ACADM: variants seen among roughly 807,000 people sequenced by gnomAD.
ACADM encodes medium-chain specific acyl-CoA dehydrogenase, mitochondrial.
In ACADM, 49 loss-of-function variants were observed where a neutral mutation model predicts 58.9. That is an observed-to-expected ratio of 0.83 (90% CI 0.66 to 1.06). The LOEUF is 1.06. ACADM is among the 50% of genes least tolerant of loss of function. ACADM has a pLI of 0.00. For synonymous variants in ACADM, 160 were observed against 157.7 expected (o/e 1.01, Z -0.11); for missense variants, 496 against 507.0 (o/e 0.98, Z 0.21).
In ACADM at chr1:75,753,795, C is replaced by CTT. The variant is rs71071962; in HGVS notation, c.945+3267_945+3268dup. ...GCACTCTGCAAAATGCTGATAGCTT[C>CTT]TTTTTTTTTTTTTTTTTTTGAGACA... On this transcript the variant is annotated intron_variant, in intron 10 of 11. Transcript: ENST00000370841. Among the ~76,000 whole-genome samples, 7 of 81,922 alleles carry CTT rather than the reference C, an allele frequency of 8.5e-5. 2 individuals carry two copies. Among genetic ancestry groups the CTT allele is most frequent in the African/African-American group, 3.0e-4 (5 of 16,454 alleles). The allele number at this position is 81,922 out of a possible 152,430, so 53.7% of individuals were successfully genotyped here.
chr1:75,751,780 T>C (rs1203112622), intron 10 of ACADM, among the ~76,000 whole-genome samples: 1 of 152,140 alleles, frequency 6.6e-6, no homozygotes, highest in East Asian at 1.9e-4. Context: ...ATTACAGGCC[T>C]GAACCACTGC....
chr1:75,755,807 C>A (rs1051621724), intron 10 of ACADM, among the ~76,000 whole-genome samples: 5 of 152,160 alleles, frequency 3.3e-5, no homozygotes, highest in Admixed American at 1.3e-4. Context: ...TAATAACAAA[C>A]TTCTCCGAGC....
chr1:75,743,163 C>T (rs372760986), intron 7 of ACADM, among the ~76,000 whole-genome samples: 2 of 107,984 alleles, frequency 1.9e-5, no homozygotes, highest in Non-Finnish European at 3.9e-5. Context: ...TATGAATGAG[C>T]ATCCATTAAG....
rs773407237 is a variant in ACADM, at chr1:75,749,503, G to A, written c.793G>A (p.Gly265Ser). ...VKVPKENVLI[G>S]DGAGFKVAMG... ...AGTGCCTAAAGAAAATGTTTTAATT[G>A]GTGACGGAGCTGGTTTCAAAGTTGC... Residue 265 changes from glycine to serine, a missense_variant, in exon 9 of 12, where the codon GGT becomes AGT. Coordinates refer to ENST00000370841, the MANE Select transcript of ACADM (RefSeq NM_000016.6). 4 of 1,613,904 alleles carry A rather than the reference G, an allele frequency of 2.5e-6. No homozygotes were observed. In the East Asian group the frequency reaches 8.9e-5, roughly 36 times the overall value.
At chr1:75,749,343 C>A in intron 8 of ACADM, 76 bp from the exon 9 acceptor site, 1 of 1,493,964 alleles carries the variant, frequency 6.7e-7, no homozygotes, top group Non-Finnish European at 9.3e-7. Context: ...TGCAGAAAGT[C>A]ATGAAACAGT....
intron 1 of ACADM, among the ~76,000 whole-genome samples, chr1:75,725,508 G>T (rs1405427691): frequency 2.0e-5 from 3 of 152,224 alleles, no homozygotes; most frequent in Non-Finnish European, 2.9e-5. Flanking sequence ...TTAATGTGCA[G>T]TGAAGGCAGA....
At chr1:75,727,083 A>G (rs997377145) in intron 1 of ACADM, among the ~76,000 whole-genome samples, 2 of 152,070 alleles carry the variant, frequency 1.3e-5, no homozygotes, top group African/African-American at 4.8e-5. Flanking sequence ...GATTACACGC[A>G]TGAGCCACCC....
intron 1 of ACADM, among the ~76,000 whole-genome samples, chr1:75,725,259 A>T (rs1335662366): frequency 7.7e-6 from 1 of 129,938 alleles, no homozygotes; most frequent in Non-Finnish European, 1.7e-5. Flanking sequence ...AAAGTAAAAA[A>T]AAAACCTGCA....
chr1:75,745,978 T>A, intron 8 of ACADM, 64 bp downstream of exon 8: 1 of 1,127,230 alleles, frequency 8.9e-7, no homozygotes, highest in Non-Finnish European at 1.3e-6. Context: ...CAAAATTACT[T>A]AACTTTCCTT....
At chr1:75,744,119 T>C (rs879047275) in intron 7 of ACADM, 1 of 1,583,574 alleles carries the variant, frequency 6.3e-7, no homozygotes, top group Non-Finnish European at 8.7e-7. Flanking sequence ...ATGTTCTGAA[T>C]GCAGACCTTT....
At chr1:75,747,742 C>T (rs1312795288) in intron 8 of ACADM, among the ~76,000 whole-genome samples, 2 of 152,178 alleles carry the variant, frequency 1.3e-5, no homozygotes, top group Non-Finnish European at 2.9e-5. Flanking sequence ...AGCCATGCTC[C>T]TGTTGCTGTC....
intron 6 of ACADM, among the ~76,000 whole-genome samples, chr1:75,735,948 A>G (rs1174068901): frequency 6.6e-6 from 1 of 151,974 alleles, no homozygotes; most frequent in East Asian, 1.9e-4. Flanking sequence ...CCGGGAGTTC[A>G]AGACCAGCCT....
Position 75,761,292 on chromosome 1 carries a change from T to A in ACADM, c.1116T>A (p.Ala372=). The change falls in exon 11 of 12, where the codon GCT becomes GCA. Residue 372 remains alanine (A), a synonymous_variant. Transcript: ENST00000370841. ...TTGCAAATCAGTTAGCTACTGATGC[T>A]GTGCAGATACTTGGAGGCAATGGAT... The part of the protein sequence containing the change: ...GDIANQLATD[A]VQILGGNGFN... The A allele has an allele frequency of 6.2e-7, 1 of 1,613,760 alleles. No homozygotes were observed. The highest frequency in any genetic ancestry group is 8.5e-7 in the Non-Finnish European group (1 of 1,179,598).
chr1:75,740,476 TG>T (rs1464279392), intron 7 of ACADM, among the ~76,000 whole-genome samples: 9 of 152,174 alleles, frequency 5.9e-5, no homozygotes, highest in Admixed American at 2.0e-4. Flanking sequence ...TTTGGTATAG[TG>T]CCTGTCTCCA....
intron 7 of ACADM, chr1:75,743,920 T>A: frequency 6.7e-7 from 1 of 1,497,576 alleles, no homozygotes. Flanking sequence ...GGCTGAGGCC[T>A]TCACAGATGC....
intron 5 of ACADM, 87 bp downstream of exon 5, chr1:75,733,715 A>G: frequency 8.7e-7 from 1 of 1,153,616 alleles, no homozygotes; most frequent in Non-Finnish European, 1.3e-6. Context: ...TAGAAGAAAA[A>G]AAAAGGAAAG....
chr1:75,735,065 A>T (rs1647218737), intron 6 of ACADM, among the ~76,000 whole-genome samples, 194 bp downstream of exon 6: 1 of 152,160 alleles, frequency 6.6e-6, no homozygotes, highest in Non-Finnish European at 1.5e-5. Context: ...CGCACCTGTA[A>T]TCCCAGCACT....
At chr1:75,761,495 G>A (rs1423560273) in intron 11 of ACADM, 125 bp downstream of exon 11, 3 of 1,023,238 alleles carry the variant, frequency 2.9e-6, no homozygotes, top group Admixed American at 1.9e-5. Flanking sequence ...ATATATGGCT[G>A]TGAGCCAGTT....
intron 6 of ACADM, among the ~76,000 whole-genome samples, chr1:75,737,281 TATATATATATATATATATATATATA>T (rs1362744168): frequency 5.0e-5 from 1 of 20,108 alleles, no homozygotes; most frequent in African/African-American, 1.1e-4. Flanking sequence ...CACACACAAA[TATATATATATATATATATATATATA>T]TATATATATA....
Sources: allele counts gnomAD v4.1 joint callset (sites outside exome capture counted in the v4.1 genomes callset), GRCh38; gene constraint gnomAD v4.1.1; transcripts MANE v1.5; gene names NCBI Gene and HGNC (gene_info 2026-07-23, HGNC 2026-07-21).